ANGPT2: variants seen among roughly 807,000 people sequenced by gnomAD.
The protein encoded by ANGPT2 is angiopoietin-2.
Under a neutral mutation model 62.9 loss-of-function variants are expected in ANGPT2, and 28 were observed. The observed-to-expected ratio is 0.44, with a 90% CI of 0.33 to 0.61. The LOEUF (loss-of-function observed/expected upper bound fraction) is 0.61. ANGPT2 is among the 20% of genes least tolerant of loss of function. The pLI, the probability that ANGPT2 is intolerant of heterozygous loss-of-function variation, is 0.03. For synonymous variants in ANGPT2, 284 were observed against 207.8 expected (o/e 1.37, Z -3.15); for missense variants, 727 against 594.9 (o/e 1.22, Z -2.31).
intron 1 of ANGPT2, among the ~76,000 whole-genome samples, chr8:6,547,832 G>C (rs552177195): frequency 1.2e-4 from 19 of 152,088 alleles, no homozygotes; most frequent in Non-Finnish European, 2.5e-4. Flanking sequence ...CCGTGGCAGA[G>C]GTTTTCCTAT....
chr8:6,503,559 A>C (rs1406203904), intron 8 of ANGPT2, among the ~76,000 whole-genome samples: 3 of 152,194 alleles, frequency 2.0e-5, no homozygotes, highest in South Asian at 2.1e-4. Flanking sequence ...CAGTGTGTAC[A>C]CACTTACAGC....
chr8:6,533,978 C>T (rs2129572179), intron 1 of ANGPT2, among the ~76,000 whole-genome samples: 1 of 152,208 alleles, frequency 6.6e-6, no homozygotes, highest in South Asian at 2.1e-4. Context: ...TAGGCTGGAA[C>T]TATAAGTTTC....
chr8:6,540,564 G>GTTTTTTAAT, intron 1 of ANGPT2, among the ~76,000 whole-genome samples: 1 of 152,226 alleles, frequency 6.6e-6, no homozygotes, highest in Admixed American at 6.5e-5. Context: ...TGGAAGATGA[G>GTTTTTTAAT]GAGCAAATAC....
intron 7 of ANGPT2, among the ~76,000 whole-genome samples, chr8:6,509,836 A>T (rs1043052448): frequency 2.6e-5 from 4 of 152,192 alleles, no homozygotes; most frequent in African/African-American, 9.6e-5. Context: ...AGACAGAGCC[A>T]TTTGGCAACA....
chr8:6,520,971 A>G (rs567951879), intron 4 of ANGPT2, among the ~76,000 whole-genome samples: 35 of 152,350 alleles, frequency 2.3e-4, no homozygotes, highest in African/African-American at 8.2e-4. Flanking sequence ...GCCATGAATC[A>G]AAAGTATGCT....
intron 1 of ANGPT2, among the ~76,000 whole-genome samples, chr8:6,555,469 T>C (rs1207133235): frequency 6.6e-6 from 1 of 151,584 alleles, no homozygotes; most frequent in Admixed American, 6.6e-5. Context: ...TTTGCCCTTT[T>C]TTTTTTTTTG....
chr8:6,553,235 C>G (rs767690404), intron 1 of ANGPT2, among the ~76,000 whole-genome samples: 1 of 152,078 alleles, frequency 6.6e-6, no homozygotes, highest in African/African-American at 2.4e-5. Context: ...ACTTTACTCT[C>G]GATGTGGCTG....
chr8:6,503,043 C>T lies in ANGPT2; in HGVS notation c.*58G>A, dbSNP rs1812507481. 7.5e-6 allele frequency: 12 copies of T among 1,598,524 alleles called. No individual in the cohort carries two copies. The East Asian group carries it at 2.7e-4, about 36-fold the overall frequency. On this transcript the variant is annotated 3_prime_UTR_variant, in exon 9 of 9. Transcript: ENST00000629816. ...CAGTGCGCAGCCGTGACTTTCAGTG[C>T]ACTGGGCTTAAGTCTTTGAAAATAG...
At chr8:6,533,569 C>CTTTTTTTT (rs56882906) in intron 1 of ANGPT2, among the ~76,000 whole-genome samples, 1 of 113,338 alleles carries the variant, frequency 8.8e-6, no homozygotes, top group African/African-American at 3.3e-5. Flanking sequence ...CGTTTAGTTT[C>CTTTTTTTT]TTTTTTTTTT....
intron 7 of ANGPT2, among the ~76,000 whole-genome samples, chr8:6,512,526 C>T (rs3020214): frequency 2.0e-5 from 3 of 151,990 alleles, no homozygotes; most frequent in Admixed American, 6.6e-5. Flanking sequence ...CGAGGCGCCA[C>T]CAGTCTGTGC....
At position 6,502,973 on chromosome 8, in the gene ANGPT2, G is replaced by T; in HGVS notation, c.*128C>A. 2 of 1,073,408 alleles carry T rather than the reference G, an allele frequency of 1.9e-6. No homozygotes were observed. Among genetic ancestry groups the T allele is most frequent in the Non-Finnish European group, 1.3e-6 (1 of 744,512 alleles). The allele number at this position is 1,073,408 out of a possible 1,614,324, so 66.5% of individuals were successfully genotyped here. On this transcript the variant is annotated 3_prime_UTR_variant, in exon 9 of 9. Coordinates refer to ENST00000629816, the MANE Select transcript of ANGPT2 (RefSeq NM_001118887.2). The stretch of plus-strand genomic sequence containing the variant: ...ACAGGCTCTAATCTGGAGCATGTGG[G>T]TCCCGTCAGCACCGAGCACACGCCC...
At chr8:6,543,227 A>G (rs1586517059) in intron 1 of ANGPT2, among the ~76,000 whole-genome samples, 4 of 152,314 alleles carry the variant, frequency 2.6e-5, no homozygotes, top group African/African-American at 9.6e-5. Context: ...AATACACAGG[A>G]TTAATTTACA....
chr8:6,515,951 A>C (rs1288041788), intron 5 of ANGPT2, among the ~76,000 whole-genome samples: 1 of 152,198 alleles, frequency 6.6e-6, no homozygotes, highest in Non-Finnish European at 1.5e-5. Context: ...GAGGAAGTGC[A>C]GTGGCTGCCT....
At chr8:6,557,659 T>A (rs75410505) in intron 1 of ANGPT2, among the ~76,000 whole-genome samples, 6,528 of 150,260 alleles carry the variant, frequency 0.043, 374 homozygotes, top group African/African-American at 0.13. Context: ...TATATATTTT[T>A]TATATTTAAT....
At chr8:6,505,542 GAATATATATAC>G (rs1813416197) in intron 8 of ANGPT2, among the ~76,000 whole-genome samples, 1 of 100,468 alleles carries the variant, frequency 1.0e-5, no homozygotes, top group Non-Finnish European at 1.9e-5. Flanking sequence ...TGTATATATA[GAATATATATAC>G]TTTATATATG....
intron 5 of ANGPT2, among the ~76,000 whole-genome samples, chr8:6,515,143 C>T (rs1229892022): frequency 6.6e-6 from 1 of 152,068 alleles, no homozygotes; most frequent in African/African-American, 2.4e-5. Context: ...CCCCGAACCC[C>T]ACATCTCCAT....
intron 1 of ANGPT2, among the ~76,000 whole-genome samples, chr8:6,548,794 G>A (rs1823065773): frequency 6.6e-6 from 1 of 152,188 alleles, no homozygotes; most frequent in Non-Finnish European, 1.5e-5. Context: ...GGGAGGGAGG[G>A]AAGATTTGAA....
Position 6,548,474 on chromosome 8 carries a change from C to T in ANGPT2, c.288+14173G>A, listed in dbSNP as rs559768097. Among the ~76,000 whole-genome samples the T allele has an allele frequency of 1.1e-4, 17 of 152,218 alleles. No homozygotes were observed. The East Asian group carries it at 1.7e-3, about 16-fold the overall frequency. ...GTCGCTAGCTCTCCTCTGCCCAGCTCGAGGAAAATGCTGGGTTTTTCATTG... is the reference window on the plus strand; with the variant it reads ...GTCGCTAGCTCTCCTCTGCCCAGCTTGAGGAAAATGCTGGGTTTTTCATTG... On this transcript the variant is annotated intron_variant, in intron 1 of 8. Coordinates refer to ENST00000629816, the MANE Select transcript of ANGPT2 (RefSeq NM_001118887.2).
rs369404477 is a variant in ANGPT2 at position 6,561,006 on chromosome 8, C to T, written c.288+1641G>A. Among the ~76,000 whole-genome samples, 77 of 152,306 alleles carry T rather than the reference C, an allele frequency of 5.1e-4. 1 individual carries two copies. The South Asian group carries it at 0.015, about 30-fold the overall frequency. On this transcript the variant is annotated intron_variant, in intron 1 of 8. Transcript: ENST00000629816. ...TTCATGCCTCGCTGTGACTCTGTAA[C>T]CACGGTGGATGTGGGAAAGCCATTA...
Sources: gnomAD v4.1 joint callset for allele counts (sites outside exome capture counted in the v4.1 genomes callset) on GRCh38, gnomAD v4.1.1 for gene constraint, MANE v1.5 for transcripts, NCBI Gene and HGNC (gene_info 2026-07-23, HGNC 2026-07-21) for gene names.